Variants in UBE2H observed in about 807,000 individuals in gnomAD.
The protein encoded by UBE2H is ubiquitin conjugating enzyme E2 H.
A neutral mutation model predicts 29.0 loss-of-function variants in UBE2H; 3 were observed. The ratio of observed to expected loss-of-function variants is 0.10; its 90% CI spans 0.05 to 0.27. The LOEUF (loss-of-function observed/expected upper bound fraction) is 0.27. Ranked by LOEUF, UBE2H falls within the 10% of genes least tolerant of loss-of-function variation. The probability of loss-of-function intolerance (pLI) is 1.00; values close to 1 mark genes in which losing one functional copy is unlikely to be tolerated. For missense variants in UBE2H, 68 were observed against 228.2 expected (o/e 0.30, Z 4.52); for synonymous variants, 69 against 82.9 (o/e 0.83, Z 0.91).
At chr7:129,911,160 T>C (rs1305466250) in intron 1 of UBE2H, among the ~76,000 whole-genome samples, 3 of 151,686 alleles carry the variant, frequency 2.0e-5, no homozygotes, top group Non-Finnish European at 4.4e-5. Flanking sequence ...GTCAGGAAAA[T>C]GAGACCATCC....
intron 3 of UBE2H, among the ~76,000 whole-genome samples, chr7:129,866,423 G>A (rs1805905516): frequency 1.3e-5 from 2 of 152,086 alleles, no homozygotes; most frequent in South Asian, 4.2e-4. Context: ...TTCATTTTTG[G>A]GAGACTAACT....
intron 3 of UBE2H, among the ~76,000 whole-genome samples, chr7:129,876,715 C>CAA (rs1053756038): frequency 6.6e-6 from 1 of 151,370 alleles, no homozygotes; most frequent in Admixed American, 6.6e-5. Context: ...AGTAAAATTC[C>CAA]AAAAAAAAGA....
chr7:129,952,369 G>C, intron 1 of UBE2H, 134 bp downstream of exon 1: 2 of 1,118,670 alleles, frequency 1.8e-6, no homozygotes, highest in Non-Finnish European at 1.2e-6. Flanking sequence ...AGCCGCCGTA[G>C]GCACTGGGGG....
At chr7:129,935,001 ATATG>A (rs1452902719) in intron 1 of UBE2H, among the ~76,000 whole-genome samples, 3 of 150,750 alleles carry the variant, frequency 2.0e-5, no homozygotes, top group Non-Finnish European at 4.4e-5. Context: ...ATGTGTGTGT[ATATG>A]TGTGTGTGTG....
chr7:129,922,112 T>C (rs1331428092), intron 1 of UBE2H, among the ~76,000 whole-genome samples: 1 of 151,406 alleles, frequency 6.6e-6, no homozygotes, highest in Non-Finnish European at 1.5e-5. Flanking sequence ...GCCTCCTGAG[T>C]AGCTGAGACT....
chr7:129,854,060 G>GGTTTTTTTTTTTTTTTTTATTTTTT (rs1554430936), intron 5 of UBE2H, among the ~76,000 whole-genome samples: 9 of 100,280 alleles, frequency 9.0e-5, no homozygotes, highest in Middle Eastern at 5.3e-3. Flanking sequence ...TTTAGTGTTA[G>GGTTTTTTTTTTTTTTTTTATTTTTT]TTTTTTTTTT....
chr7:129,854,344 A>G (rs1805668477), intron 5 of UBE2H, among the ~76,000 whole-genome samples: 1 of 152,206 alleles, frequency 6.6e-6, no homozygotes, highest in Non-Finnish European at 1.5e-5. Flanking sequence ...CGTGAAAGAA[A>G]TGTTGAATTT....
rs202047380 is a variant in UBE2H at position 129,868,921 on chromosome 7, GTC to G, written c.206-9982_206-9981del. Among the ~76,000 whole-genome samples, 51 of 143,174 alleles carry G rather than the reference GTC, an allele frequency of 3.6e-4. 1 individual carries two copies. Among genetic ancestry groups the G allele is most frequent in the East Asian group, 8.3e-4 (4 of 4,840 alleles). The allele number at this position is 143,174 out of a possible 152,430, so 93.9% of individuals were successfully genotyped here. On this transcript the variant is annotated intron_variant, in intron 3 of 6. Transcript: ENST00000355621. ...TATAGACCATACTCCTGACACCCGG[GTC>G]TCTCTCTCTCTCTTTTTTTTTTTTT...
intron 1 of UBE2H, among the ~76,000 whole-genome samples, chr7:129,932,258 G>A (rs1035251604): frequency 1.3e-5 from 2 of 150,988 alleles, no homozygotes; most frequent in African/African-American, 4.9e-5. Flanking sequence ...TGAGTAGCTG[G>A]GACTACAGGC....
At chr7:129,900,942 G>C (rs1806701255) in intron 1 of UBE2H, among the ~76,000 whole-genome samples, 2 of 151,882 alleles carry the variant, frequency 1.3e-5, no homozygotes, top group Non-Finnish European at 2.9e-5. Flanking sequence ...AGTAGAGAAG[G>C]GGTTTCACCG....
chr7:129,950,865 A>T (rs1807860616), intron 1 of UBE2H, among the ~76,000 whole-genome samples: 2 of 152,216 alleles, frequency 1.3e-5, no homozygotes, highest in African/African-American at 4.8e-5. Context: ...ACACATTTAC[A>T]AAACAATCAC....
At chr7:129,918,340 CATT>C (rs1327820440) in intron 1 of UBE2H, among the ~76,000 whole-genome samples, 2 of 151,256 alleles carry the variant, frequency 1.3e-5, no homozygotes, top group African/African-American at 4.9e-5. Flanking sequence ...TCATGAAAGA[CATT>C]GTCCAAAAAA....
At chr7:129,928,712 C>A (rs150294309) in intron 1 of UBE2H, among the ~76,000 whole-genome samples, 141 of 152,146 alleles carry the variant, frequency 9.3e-4, no homozygotes, top group African/African-American at 3.3e-3. Flanking sequence ...GACAGATATG[C>A]CCAATTTGAT....
chr7:129,873,081 G>A (rs893942394), intron 3 of UBE2H, among the ~76,000 whole-genome samples: 20 of 150,320 alleles, frequency 1.3e-4, no homozygotes, highest in African/African-American at 4.2e-4. Flanking sequence ...GTGCCGTGGC[G>A]CGATCTTGGC....
In UBE2H at chr7:129,857,583, T is replaced by C; in HGVS notation, c.246-20A>G. ...CCTGACCTGAAACAGATGGAAAGAA[T>C]GGCATGTTTTTAAAAATTAGAAAGT... On this transcript the variant is annotated intron_variant, in intron 4 of 6. Coordinates refer to ENST00000355621, the MANE Select transcript of UBE2H (RefSeq NM_003344.4). The C allele has an allele frequency of 6.2e-7, 1 of 1,604,626 alleles. No homozygotes were observed.
intron 1 of UBE2H, among the ~76,000 whole-genome samples, chr7:129,934,757 A>T (rs925179968): frequency 6.6e-6 from 1 of 151,360 alleles, no homozygotes. Flanking sequence ...TGGAAAATAT[A>T]TATAAAAAAA....
intron 1 of UBE2H, among the ~76,000 whole-genome samples, chr7:129,943,693 G>C (rs1377794636): frequency 6.6e-6 from 1 of 152,154 alleles, no homozygotes; most frequent in Admixed American, 6.6e-5. Context: ...CTGAGGTCAA[G>C]AGTTCAAGAC....
intron 1 of UBE2H, among the ~76,000 whole-genome samples, chr7:129,891,141 AAAAT>A (rs910754946): frequency 6.6e-6 from 1 of 151,898 alleles, no homozygotes; most frequent in Non-Finnish European, 1.5e-5. Context: ...CTCAAAAAAA[AAAAT>A]AGTCAACTTA....
intron 5 of UBE2H, among the ~76,000 whole-genome samples, chr7:129,856,416 A>C (rs187836485): frequency 6.6e-6 from 1 of 152,312 alleles, no homozygotes; most frequent in African/African-American, 2.4e-5. Context: ...CTTACAGATG[A>C]ATCAGACACA....
Sources: gnomAD v4.1 joint callset for allele counts (sites outside exome capture counted in the v4.1 genomes callset) on GRCh38, gnomAD v4.1.1 for gene constraint, MANE v1.5 for transcripts, NCBI Gene and HGNC (gene_info 2026-07-23, HGNC 2026-07-21) for gene names.